The following GPD2 variants were observed in gnomAD, a reference collection of about 807,000 sequenced individuals.
GPD2 encodes glycerol-3-phosphate dehydrogenase 2.
GPD2 carries 54 observed loss-of-function variants against 82.4 expected under a neutral mutation model. The ratio of observed to expected loss-of-function variants is 0.66; its 90% CI spans 0.53 to 0.82. The LOEUF (loss-of-function observed/expected upper bound fraction) is 0.82. Ranked by LOEUF, GPD2 falls within the 40% of genes least tolerant of loss-of-function variation. The probability of loss-of-function intolerance (pLI) is 0.00; values close to 1 mark genes in which losing one functional copy is unlikely to be tolerated. For synonymous variants in GPD2, 288 were observed against 306.1 expected, an observed-to-expected ratio of 0.94 and a Z score of 0.62; for missense variants, 748 against 896.2, an observed-to-expected ratio of 0.83 and a Z score of 2.11.
intron 1 of GPD2, among the ~76,000 whole-genome samples, chr2:156,447,340 T>C (rs543674262): frequency 1.3e-5 from 2 of 150,388 alleles, no homozygotes; most frequent in South Asian, 2.1e-4. Flanking sequence ...ATCTCTCTCT[T>C]TTTTTTTTTC....
chr2:156,496,715 G>T (rs753538606), intron 3 of GPD2, among the ~76,000 whole-genome samples: 12 of 151,090 alleles, frequency 7.9e-5, no homozygotes, highest in Non-Finnish European at 1.5e-4. Flanking sequence ...ATTTGTTCTG[G>T]TTTTTTTTAA....
chr2:156,563,072 G>A (rs962690097), intron 9 of GPD2, among the ~76,000 whole-genome samples: 2 of 152,144 alleles, frequency 1.3e-5, no homozygotes, highest in African/African-American at 2.4e-5. Flanking sequence ...ATTTGGAAGG[G>A]AATATCCAGT....
intron 15 of GPD2, 76 bp downstream of exon 15, chr2:156,579,240 T>C: frequency 2.4e-6 from 2 of 822,212 alleles, no homozygotes; most frequent in South Asian, 1.5e-5. Flanking sequence ...TCATCTAGGG[T>C]TTTCTACAAG....
chr2:156,426,322 G>C, the GPD2 span, among the ~76,000 whole-genome samples: 1 of 152,202 alleles, frequency 6.6e-6, no homozygotes, highest in Admixed American at 6.5e-5. Context: ...GAAGGTGAAG[G>C]GGAAGCAAGA....
chr2:156,557,663 G>T, intron 9 of GPD2, 81 bp downstream of exon 9: 2 of 824,696 alleles, frequency 2.4e-6, no homozygotes, highest in Non-Finnish European at 4.2e-6. Context: ...TAAATGCTAT[G>T]TCTCCAGTCT....
At chr2:156,547,936 G>C (rs960427065) in intron 6 of GPD2, among the ~76,000 whole-genome samples, 6 of 152,112 alleles carry the variant, frequency 3.9e-5, no homozygotes, top group East Asian at 1.9e-4. Context: ...CTTTCCAGAG[G>C]CTTCAAGGCA....
At chr2:156,466,832 C>G (rs1183023045) in intron 1 of GPD2, among the ~76,000 whole-genome samples, 1 of 152,178 alleles carries the variant, frequency 6.6e-6, no homozygotes, top group Middle Eastern at 3.4e-3. Context: ...TCTTTTGTAC[C>G]TTTTACTTGC....
Position 156,550,704 on chromosome 2 carries a change from A to G in GPD2, c.929A>G (p.Gln310Arg). The change falls in exon 8 of 17, where the codon CAG (glutamine) becomes CGG (arginine). Residue 310 changes from glutamine to arginine, a missense_variant. Physicochemically the swap from Gln to Arg is conservative, Grantham distance 43 (BLOSUM62 1). Around this residue, in one of 3 missense-constraint regions of GPD2, gnomAD observed 692 missense variants for 809.7 expected, o/e 0.85. Transcript: ENST00000438166. Reference sequence around the variant, plus strand: ...GATAAAGACGCAGCAGCTATCTGCCAGCCAAGTGCTGGTGTCCATATTGTG... The same window carrying G: ...GATAAAGACGCAGCAGCTATCTGCCGGCCAAGTGCTGGTGTCCATATTGTG... ...MDDKDAAAICQPSAGVHIVMP... is the reference protein window; with the variant it reads ...MDDKDAAAICRPSAGVHIVMP... The G allele has an allele frequency of 6.2e-7, 1 of 1,613,958 alleles. No homozygotes were observed.
intron 6 of GPD2, among the ~76,000 whole-genome samples, chr2:156,547,602 C>T (rs528941963): frequency 6.6e-6 from 1 of 152,192 alleles, no homozygotes; most frequent in South Asian, 2.1e-4. Flanking sequence ...AAACAAGGAC[C>T]ATAGGAACTT....
chr2:156,469,871 A>T (rs1349971385), intron 1 of GPD2, among the ~76,000 whole-genome samples: 1 of 152,152 alleles, frequency 6.6e-6, no homozygotes. Flanking sequence ...AAGATAGGAG[A>T]GTTTTTGTAA....
At chr2:156,544,993 G>A (rs1253483460) in intron 6 of GPD2, among the ~76,000 whole-genome samples, 4 of 152,198 alleles carry the variant, frequency 2.6e-5, no homozygotes, top group Non-Finnish European at 5.9e-5. Context: ...AATTCACCAT[G>A]AAGAGTGGGT....
the GPD2 span, among the ~76,000 whole-genome samples, chr2:156,420,537 C>T: frequency 5.9e-5 from 9 of 152,068 alleles, no homozygotes; most frequent in African/African-American, 1.9e-4. Context: ...AAATAAAGTG[C>T]CATAATTTCT....
At chr2:156,429,902 T>A in the GPD2 span, among the ~76,000 whole-genome samples, 1 of 152,232 alleles carries the variant, frequency 6.6e-6, no homozygotes, top group African/African-American at 2.4e-5. Flanking sequence ...TAAGATTTTC[T>A]TGGACAGCAC....
intron 4 of GPD2, 114 bp from the exon 5 acceptor site, chr2:156,512,106 C>T (rs1425956053): frequency 2.7e-6 from 2 of 731,074 alleles, no homozygotes; most frequent in African/African-American, 1.7e-5. Context: ...GAGCTATCCT[C>T]ACTCAGAGAT....
intron 6 of GPD2, among the ~76,000 whole-genome samples, chr2:156,519,717 G>C (rs1685326466): frequency 6.6e-6 from 1 of 152,248 alleles, no homozygotes; most frequent in South Asian, 2.1e-4. Context: ...CGTGGGACTT[G>C]CGACAGGGGT....
chr2:156,482,997 C>G (rs1683789969), intron 2 of GPD2, among the ~76,000 whole-genome samples: 1 of 152,052 alleles, frequency 6.6e-6, no homozygotes, highest in African/African-American at 2.4e-5. Flanking sequence ...TAATTGCAAT[C>G]TCTCCCTCTC....
chr2:156,442,291 C>T (rs1355786862), intron 1 of GPD2, among the ~76,000 whole-genome samples: 1 of 152,134 alleles, frequency 6.6e-6, no homozygotes, highest in African/African-American at 2.4e-5. Flanking sequence ...TGCTTTGCTA[C>T]TTGTATCTGC....
intron 9 of GPD2, 132 bp from the exon 10 acceptor site, chr2:156,568,693 T>C: frequency 1.3e-6 from 1 of 750,314 alleles, no homozygotes; most frequent in Non-Finnish European, 2.4e-6. Flanking sequence ...GTTCTCATCT[T>C]TAGGCTTTCT....
At chr2:156,490,409 A>G (rs1472157657) in intron 2 of GPD2, among the ~76,000 whole-genome samples, 2 of 151,906 alleles carry the variant, frequency 1.3e-5, no homozygotes, top group Admixed American at 1.3e-4. Flanking sequence ...AAACAAAAAT[A>G]AAATGTTATT....
Sources: gnomAD v4.1 joint callset for allele counts (sites outside exome capture counted in the v4.1 genomes callset) on GRCh38, gnomAD v4.1.1 for gene constraint, gnomAD v4.1.1 regional missense constraint, MANE v1.5 for transcripts, NCBI Gene and HGNC (gene_info 2026-07-23, HGNC 2026-07-21) for gene names.